Variants in DAPK2 observed in about 807,000 individuals in gnomAD.
DAPK2 encodes the protein death-associated protein kinase 2.
In DAPK2, 35 loss-of-function variants were observed where a neutral mutation model predicts 44.1. The ratio of observed to expected loss-of-function variants is 0.79; its 90% CI spans 0.61 to 1.05. The LOEUF is 1.05. DAPK2 is among the 50% of genes least tolerant of loss of function. DAPK2 has a pLI of 0.00. For synonymous variants in DAPK2, 174 were observed against 182.6 expected, an observed-to-expected ratio of 0.95 and a Z score of 0.38; for missense variants, 453 against 483.2, an observed-to-expected ratio of 0.94 and a Z score of 0.59.
Position 63,939,624 on chromosome 15 carries a change from T to C in DAPK2, c.454-263A>G, listed in dbSNP as rs576030438. On this transcript the variant is annotated intron_variant, in intron 3 of 10. Transcript: ENST00000261891. This position sits in a 1 kb window ranked among gnomAD's most constrained non-coding sequence, Gnocchi z 4.3. ...CACAGCAGAACTGAAGACTCCAGCC[T>C]TCATCTCCATTCTGTCTCTGAGTGG... Among the ~76,000 whole-genome samples, 1 of 152,330 alleles carries C rather than the reference T, an allele frequency of 6.6e-6. No individual in the cohort carries two copies. The highest frequency in any genetic ancestry group is 2.4e-5 in the African/African-American group (1 of 41,574).
chr15:64,009,034 C>G (rs2079313995), intron 1 of DAPK2, among the ~76,000 whole-genome samples: 1 of 152,202 alleles, frequency 6.6e-6, no homozygotes. Flanking sequence ...ATCCTTCCCT[C>G]AAGGTGTCCT....
At chr15:64,026,213 A>G (rs1453101758) in intron 1 of DAPK2, among the ~76,000 whole-genome samples, 1 of 152,116 alleles carries the variant, frequency 6.6e-6, no homozygotes. Flanking sequence ...GCTTTGCTAC[A>G]GCTGAGGTGA....
At position 63,946,160 on chromosome 15, in the gene DAPK2, T is replaced by A. The variant is rs183524149; in HGVS notation, c.454-6799A>T. 4.1e-4 allele frequency among the ~76,000 whole-genome samples: 62 copies of A among 152,282 alleles called. 1 individual carries two copies. Among genetic ancestry groups the A allele is most frequent in the African/African-American group, 1.3e-3 (56 of 41,572 alleles). ...TGTCAAAACAAACCCACCCAGCTCA[T>A]CCCGCCAGGGAGGCACCCATGGGAG... is the stretch of plus-strand genomic sequence containing the variant. On this transcript the variant is annotated intron_variant, in intron 3 of 10. Coordinates refer to ENST00000261891, the Ensembl canonical transcript of DAPK2.
chr15:64,005,919 A>G (rs1339968113), intron 1 of DAPK2, among the ~76,000 whole-genome samples: 1 of 151,890 alleles, frequency 6.6e-6, no homozygotes. Flanking sequence ...TTGTAGTCCT[A>G]GCTACTTGGG....
chr15:64,034,577 T>C (rs1046376100), intron 1 of DAPK2, among the ~76,000 whole-genome samples: 1 of 152,170 alleles, frequency 6.6e-6, no homozygotes, highest in Non-Finnish European at 1.5e-5. Flanking sequence ...TGTGGAGTAA[T>C]GGTAAGGTAA....
chr15:63,945,362 A>G (rs1294591749), intron 3 of DAPK2, among the ~76,000 whole-genome samples: 1 of 152,194 alleles, frequency 6.6e-6, no homozygotes, highest in East Asian at 1.9e-4. Context: ...GGCGTCTTGC[A>G]TCCTGCATGT....
intron 4 of DAPK2, chr15:63,932,791 T>A (rs976619361): frequency 6.6e-6 from 1 of 152,222 alleles, no homozygotes. Context: ...CTGGTTTTGC[T>A]GCTGTTTTAG....
At chr15:64,023,232 T>C (rs1326316192) in intron 1 of DAPK2, among the ~76,000 whole-genome samples, 2 of 152,186 alleles carry the variant, frequency 1.3e-5, no homozygotes, top group African/African-American at 4.8e-5. Flanking sequence ...CAACCCTGCC[T>C]GCAGTAGTCA....
chr15:64,027,407 A>C (rs2079879621), intron 1 of DAPK2, among the ~76,000 whole-genome samples: 1 of 151,884 alleles, frequency 6.6e-6, no homozygotes, highest in Non-Finnish European at 1.5e-5. Flanking sequence ...AAAACAAAAA[A>C]AAAACCCCAA....
Position 63,930,409 on chromosome 15 carries a change from CAT to C in DAPK2, c.628_629del (p.Met210ValfsTer37), listed in dbSNP as rs771419510. On this transcript the variant is annotated frameshift_variant, in exon 5 of 11. Coordinates refer to ENST00000261891, the Ensembl canonical transcript of DAPK2. LOFTEE classifies it high-confidence loss of function. ...CCTGAGTGGCCTATCCAACTTACCACATGTCAGCCTCCAGACCCAGGGGCTCG... is the reference window on the plus strand; with the variant it reads ...CCTGAGTGGCCTATCCAACTTACCACGTCAGCCTCCAGACCCAGGGGCTCG... 4 of 1,614,248 alleles carry C rather than the reference CAT, an allele frequency of 2.5e-6. No individual in the cohort carries two copies. The highest frequency in any genetic ancestry group is 1.1e-5 in the South Asian group (1 of 91,090).
chr15:63,944,250 C>A (rs1033398664), intron 3 of DAPK2, among the ~76,000 whole-genome samples: 1 of 152,122 alleles, frequency 6.6e-6, no homozygotes, highest in African/African-American at 2.4e-5. Flanking sequence ...TCGTCCCTAC[C>A]TTCACCATTC....
intron 8 of DAPK2, chr15:63,920,286 C>A (rs886411336): frequency 6.6e-6 from 1 of 152,132 alleles, no homozygotes; most frequent in African/African-American, 2.4e-5. Context: ...GCATGAGTAC[C>A]ACCGGCTTGG....
chr15:63,939,360 G>T lies in DAPK2; in HGVS notation c.455C>A (p.Pro152Gln). ...CTTGTCTAACAACATAATGTTTTCT[G>T]GCTGGACAACAAAAAGTAGAAAAAA... Residue 152 changes from proline (P) to glutamine (Q), a missense_variant and splice_region_variant, in exon 4 of 11, where the codon CCA becomes CAA. Transcript: ENST00000261891. The surrounding 1 kb of genome is among the most constrained non-coding windows in gnomAD (Gnocchi z 4.3). The T allele has an allele frequency of 6.3e-7, 1 of 1,578,688 alleles. No individual in the cohort carries two copies. Among genetic ancestry groups the T allele is most frequent in the Non-Finnish European group, 8.6e-7 (1 of 1,166,320 alleles).
At position 63,912,355 on chromosome 15, in the gene DAPK2, G is replaced by A. The variant is rs1238283968; in HGVS notation, c.859-158C>T. ...GCACACCGTGGGAGCATCACAGTCAGGGCAACAGCTACACATGTCTCAGCT... is the reference window on the plus strand; with the variant it reads ...GCACACCGTGGGAGCATCACAGTCAAGGCAACAGCTACACATGTCTCAGCT... On this transcript the variant is annotated intron_variant, in intron 8 of 10. Coordinates refer to ENST00000261891, the Ensembl canonical transcript of DAPK2. The surrounding 1 kb of genome is among the most constrained non-coding windows in gnomAD (Gnocchi z 4.4). 1.3e-5 allele frequency among the ~76,000 whole-genome samples: 2 copies of A among 152,366 alleles called. No individual in the cohort carries two copies. The highest frequency in any genetic ancestry group is 3.4e-3 in the Middle Eastern group (1 of 294).
chr15:63,930,034 G>C (rs2079481364), intron 5 of DAPK2, among the ~76,000 whole-genome samples: 1 of 152,244 alleles, frequency 6.6e-6, no homozygotes, highest in Non-Finnish European at 1.5e-5. Flanking sequence ...GCCCAGCACA[G>C]TGCCCAGAAC....
Position 63,912,068 on chromosome 15 carries a change from G to GCCCCCCCCCAGGACCCCCCCC in DAPK2, c.948+39_948+40insGGGGGGGGTCCTGGGGGGGGG. The GCCCCCCCCCAGGACCCCCCCC allele has an allele frequency of 7.6e-7, 1 of 1,312,412 alleles. No homozygotes were observed. The highest frequency in any genetic ancestry group is 1.1e-6 in the Non-Finnish European group (1 of 924,248). The allele number at this position is 1,312,412 out of a possible 1,614,324, so 81.3% of individuals were successfully genotyped here. A position where few individuals can be genotyped will look rare whatever the true frequency, so the allele number is the denominator to read the frequency against. On this transcript the variant is annotated intron_variant, in intron 9 of 10. Coordinates refer to ENST00000261891, the Ensembl canonical transcript of DAPK2. The surrounding 1 kb of genome is among the most constrained non-coding windows in gnomAD (Gnocchi z 4.4). ...CTGGAGAGCCAGAAACCCCGCCCTA[G>GCCCCCCCCCAGGACCCCCCCC]CCCCCACCCTGTCCCCCGCCGCCCC...
rs1428182237 is a variant in DAPK2, at chr15:63,939,467, G to A, written c.454-106C>T. ...TGTTTTGGCTTTGGGGTTTGGGGTG[G>A]GACTTGGTGTTCTTTTTAGGAGACT... On this transcript the variant is annotated intron_variant, in intron 3 of 10. Coordinates refer to ENST00000261891, the Ensembl canonical transcript of DAPK2. This position sits in a 1 kb window ranked among gnomAD's most constrained non-coding sequence, Gnocchi z 4.3. 3.6e-6 allele frequency: 4 copies of A among 1,098,008 alleles called. No homozygotes were observed. In the African/African-American group the frequency reaches 4.8e-5, roughly 13 times the overall value. The allele number at this position is 1,098,008 out of a possible 1,614,324, so 68.0% of individuals were successfully genotyped here.
chr15:64,006,576 G>A lies in DAPK2; in HGVS notation c.93-22822C>T, dbSNP rs185795971. Among the ~76,000 whole-genome samples the A allele has an allele frequency of 3.3e-5, 5 of 152,210 alleles. No individual in the cohort carries two copies. The East Asian group carries it at 9.7e-4, about 29-fold the overall frequency. On this transcript the variant is annotated intron_variant, in intron 1 of 10. Transcript: ENST00000261891. ...CAAGAAAGACGTCAGAGATCCCCCA[G>A]TATACAATAAAACTTGGCAAACCTC... is the stretch of plus-strand genomic sequence containing the variant.
At chr15:63,999,796 T>A (rs1406480214) in intron 1 of DAPK2, among the ~76,000 whole-genome samples, 2 of 151,984 alleles carry the variant, frequency 1.3e-5, no homozygotes, top group Non-Finnish European at 1.5e-5. Flanking sequence ...GACAGGGTCT[T>A]ACTCTGTTGC....
Sources: allele counts gnomAD v4.1 joint callset (sites outside exome capture counted in the v4.1 genomes callset), GRCh38; gene constraint gnomAD v4.1.1; non-coding constraint Gnocchi (gnomAD v3.1); transcripts MANE v1.5; gene names NCBI Gene and HGNC (gene_info 2026-07-23, HGNC 2026-07-21).